TRIM6: variants seen among roughly 807,000 people sequenced by gnomAD.
The protein encoded by TRIM6 is tripartite motif-containing protein 6.
Under a neutral mutation model 51.2 loss-of-function variants are expected in TRIM6, and 43 were observed. The observed-to-expected ratio is 0.84, with a 90% CI of 0.66 to 1.08. The LOEUF (loss-of-function observed/expected upper bound fraction) is 1.08. Ranked by LOEUF, TRIM6 falls within the 50% of genes least tolerant of loss-of-function variation. The pLI, the probability that TRIM6 is intolerant of heterozygous loss-of-function variation, is 0.00. For synonymous variants in TRIM6, 215 were observed against 232.4 expected (o/e 0.93, Z 0.68); for missense variants, 669 against 619.0 (o/e 1.08, Z -0.86).
intron 1 of TRIM6, among the ~76,000 whole-genome samples, chr11:5,598,952 C>T (rs1847649095): frequency 6.6e-6 from 1 of 152,118 alleles, no homozygotes; most frequent in Non-Finnish European, 1.5e-5. Flanking sequence ...TCCTTATGCC[C>T]TTTGCAGTTC....
intron 5 of TRIM6, among the ~76,000 whole-genome samples, chr11:5,609,803 G>A (rs745624705): frequency 9.2e-5 from 14 of 152,120 alleles, no homozygotes; most frequent in Non-Finnish European, 1.9e-4. Flanking sequence ...CGCGCCTGTA[G>A]TCCCAGCTAC....
rs1203877182 is a variant in TRIM6, at chr11:5,603,277, A to G, written c.49A>G (p.Arg17Gly). The G allele has an allele frequency of 1.2e-6, 2 of 1,613,938 alleles. No homozygotes were observed. The highest frequency in any genetic ancestry group is 1.7e-6 in the Non-Finnish European group (2 of 1,179,932). ...ACAGGCAGGAAACATCTTAGAAATC[A>G]GGGTTGGGCAGGCAGGAGCCAGGAG... is the stretch of plus-strand genomic sequence containing the variant. ...ILQAGNILEI[R>G]VGQAGARRVA... Residue 17 changes from arginine to glycine, a missense_variant, in exon 2 of 8, where the codon AGG (arginine) becomes GGG (glycine). Arg to Gly is a moderately radical substitution (Grantham distance 125). Coordinates refer to ENST00000380097, the MANE Select transcript of TRIM6 (RefSeq NM_001003818.3).
chr11:5,611,411 G>C lies in TRIM6; in HGVS notation c.*69G>C. On this transcript the variant is annotated 3_prime_UTR_variant, in exon 8 of 8. Coordinates refer to ENST00000380097, the MANE Select transcript of TRIM6 (RefSeq NM_001003818.3). ...TTATCAGCATGTGATTCTCCCTTCTGATCTTCTGTTTTTCTGTGTTCTCAA... is the reference window on the plus strand; with the variant it reads ...TTATCAGCATGTGATTCTCCCTTCTCATCTTCTGTTTTTCTGTGTTCTCAA... 2.4e-6 allele frequency: 3 copies of C among 1,254,328 alleles called. No homozygotes were observed. Among genetic ancestry groups the C allele is most frequent in the Non-Finnish European group, 2.2e-6 (2 of 892,008 alleles). 77.7% of individuals were successfully genotyped at this position (1,254,328 alleles called of 1,614,324 possible). A position where few individuals can be genotyped will look rare whatever the true frequency, so the allele number is the denominator to read the frequency against.
chr11:5,602,898 G>A (rs979239588), intron 1 of TRIM6, among the ~76,000 whole-genome samples: 3 of 152,126 alleles, frequency 2.0e-5, no homozygotes, highest in Non-Finnish European at 2.9e-5. Context: ...AGATTGCAGT[G>A]AGCTGAGATT....
At position 5,611,012 on chromosome 11, in the gene TRIM6, A is replaced by G. The variant is rs180806232; in HGVS notation, c.1221A>G (p.Thr407=). The G allele has an allele frequency of 4.2e-5, 67 of 1,614,158 alleles. No individual in the cohort carries two copies. The South Asian group carries it at 6.6e-4, about 16-fold the overall frequency. Residue 407 remains threonine (T), a synonymous_variant, in exon 8 of 8, where the codon ACA becomes ACG. Transcript: ENST00000380097. ...TATGCAGCAATTCACTGGGACCTAC[A>G]TTCTCTTTCAACCATTTTGCTCAAA... The part of the protein sequence containing the change: ...LGVCSNSLGP[T]FSFNHFAQNH...
At chr11:5,603,842 G>T in intron 2 of TRIM6, 107 bp downstream of exon 2, 1 of 1,467,984 alleles carries the variant, frequency 6.8e-7, no homozygotes, top group African/African-American at 1.4e-5. Flanking sequence ...TTTACCTAGA[G>T]AATGAACCTG....
chr11:5,610,820 C>G lies in TRIM6; in HGVS notation c.1029C>G (p.Val343=), dbSNP rs774915145. 1 of 1,614,156 alleles carries G rather than the reference C, an allele frequency of 6.2e-7. No individual in the cohort carries two copies. The highest frequency in any genetic ancestry group is 1.1e-5 in the South Asian group (1 of 91,072). The change falls in exon 8 of 8, where the codon GTC becomes GTG. Residue 343 remains valine (V), a synonymous_variant. Coordinates refer to ENST00000380097, the MANE Select transcript of TRIM6 (RefSeq NM_001003818.3). ...CACACACAGCTAATTTAAATCTTGT[C>G]CTGGCTAAAAACCGGAGACAAGTGA... The part of the protein sequence containing the change: ...LNPHTANLNL[V]LAKNRRQVRF...
At chr11:5,598,943 C>T (rs1281655170) in intron 1 of TRIM6, among the ~76,000 whole-genome samples, 1 of 152,144 alleles carries the variant, frequency 6.6e-6, no homozygotes, top group African/African-American at 2.4e-5. Context: ...CTTCAAATTT[C>T]CTTATGCCCT....
In TRIM6 at chr11:5,611,111, T is replaced by G. The variant is rs780681052; in HGVS notation, c.1320T>G (p.Tyr440Ter). Residue 440 changes from tyrosine (Y) to a stop codon, truncating the protein, a stop_gained, in exon 8 of 8, where the codon TAT (tyrosine) becomes TAG (stop). Coordinates refer to ENST00000380097, the MANE Select transcript of TRIM6 (RefSeq NM_001003818.3). LOFTEE classifies it high-confidence loss of function. ...TTGGGTTACAGCATAACCATGAATA[T>G]AGGGCCTATGAGGATTCTTCCCCTT... ...WVIGLQHNHE[Y>*]RAYEDSSPSL... The G allele has an allele frequency of 6.8e-6, 11 of 1,614,154 alleles. No individual in the cohort carries two copies. Among genetic ancestry groups the G allele is most frequent in the Non-Finnish European group, 9.3e-6 (11 of 1,180,010 alleles).
rs1847495302 is a variant in TRIM6 at position 5,596,840 on chromosome 11, G to A, written c.-58G>A. On this transcript the variant is annotated 5_prime_UTR_variant, in exon 1 of 8. Transcript: ENST00000380097. ...TTAAGGTGCCTTGGATTGCTCTGAA[G>A]AGCTTTGACCACCTGATATTGCTTA... The A allele has an allele frequency of 6.2e-7, 1 of 1,613,462 alleles. No individual in the cohort carries two copies. Among genetic ancestry groups the A allele is most frequent in the South Asian group, 1.1e-5 (1 of 91,060 alleles).
rs147065933 is a variant in TRIM6, at chr11:5,603,537, C to A, written c.309C>A (p.Ala103=). 1.7e-4 allele frequency: 277 copies of A among 1,613,966 alleles called. 2 individuals carry two copies. The Middle Eastern group carries it at 1.8e-3, about 11-fold the overall frequency. ...PGNLRPNRHL[A]NIVRRLREVV... is the part of the protein sequence containing the mutation. ...ACCTGCGGCCTAATCGGCATCTGGC[C>A]AACATAGTGAGGCGGCTCAGAGAGG... Residue 103 remains alanine (A), a synonymous_variant, in exon 2 of 8, where the codon GCC becomes GCA. Coordinates refer to ENST00000380097, the MANE Select transcript of TRIM6 (RefSeq NM_001003818.3).
intron 1 of TRIM6, among the ~76,000 whole-genome samples, chr11:5,602,376 G>C (rs1847921495): frequency 6.6e-6 from 1 of 151,908 alleles, no homozygotes; most frequent in Admixed American, 6.6e-5. Context: ...CCAGGAGGCG[G>C]AGCTTGCAGT....
At chr11:5,610,119 G>A in intron 5 of TRIM6, 26 bp from the exon 6 acceptor site, 1 of 1,613,228 alleles carries the variant, frequency 6.2e-7, no homozygotes, top group African/African-American at 1.3e-5. Context: ...AGCAGTGTGG[G>A]AACTCAGAAG....
At chr11:5,606,831 A>G (rs549203521) in intron 4 of TRIM6, among the ~76,000 whole-genome samples, 3 of 152,342 alleles carry the variant, frequency 2.0e-5, no homozygotes, top group African/African-American at 7.2e-5. Flanking sequence ...TTTTCTAAAA[A>G]TAAACTTTCT....
At chr11:5,601,061 A>G (rs1847813445) in intron 1 of TRIM6, among the ~76,000 whole-genome samples, 2 of 152,222 alleles carry the variant, frequency 1.3e-5, no homozygotes, top group African/African-American at 2.4e-5. Context: ...TAAGGTCTCA[A>G]CTGCCTTACC....
intron 5 of TRIM6, among the ~76,000 whole-genome samples, chr11:5,609,176 T>C (rs1848412817): frequency 1.3e-5 from 2 of 152,084 alleles, no homozygotes; most frequent in African/African-American, 4.8e-5. Flanking sequence ...CAAGGTGACA[T>C]GTCAAGCTGC....
At chr11:5,603,016 G>A (rs897296529) in intron 1 of TRIM6, among the ~76,000 whole-genome samples, 1 of 152,134 alleles carries the variant, frequency 6.6e-6, no homozygotes, top group Non-Finnish European at 1.5e-5. Context: ...CCTTTCCAGG[G>A]CCTCAGTTTG....
intron 3 of TRIM6, chr11:5,605,113 G>C (rs959064409): frequency 1.7e-6 from 1 of 587,812 alleles, no homozygotes; most frequent in Non-Finnish European, 3.0e-6. Context: ...TTGATGTCTA[G>C]ATGGCCTAGA....
Position 5,612,780 on chromosome 11 carries a change from TCATA to T in TRIM6, c.*1442_*1445del, listed in dbSNP as rs1314674989. 2 of 152,216 alleles carry T rather than the reference TCATA, an allele frequency of 1.3e-5. No individual in the cohort carries two copies. Among genetic ancestry groups the T allele is most frequent in the Non-Finnish European group, 2.9e-5 (2 of 68,042 alleles). The allele number at this position is 152,216 out of a possible 1,614,324, so 9.4% of individuals were successfully genotyped here. ...GAGCCACCAATGTCTGTTGAGTACT[TCATA>T]CATGCCTAGTCTGAATTGAGATGTG... is the stretch of plus-strand genomic sequence containing the variant. On this transcript the variant is annotated 3_prime_UTR_variant, in exon 8 of 8. Transcript: ENST00000380097.
Sources: allele counts gnomAD v4.1 joint callset (sites outside exome capture counted in the v4.1 genomes callset), GRCh38; gene constraint gnomAD v4.1.1; transcripts MANE v1.5; gene names NCBI Gene and HGNC (gene_info 2026-07-23, HGNC 2026-07-21).